TWIST2: variants seen among roughly 807,000 people sequenced by gnomAD.
TWIST2 encodes twist-related protein 2.
In TWIST2, 1 loss-of-function variant was observed where a neutral mutation model predicts 11.6. The ratio of observed to expected loss-of-function variants is 0.09; its 90% CI spans 0.03 to 0.41. The LOEUF (loss-of-function observed/expected upper bound fraction) is 0.41, where lower values mean the gene tolerates loss of function less well. Ranked by LOEUF, TWIST2 falls within the 10% of genes least tolerant of loss-of-function variation. The pLI, the probability that TWIST2 is intolerant of heterozygous loss-of-function variation, is 0.98. For missense variants in TWIST2, 168 were observed against 226.4 expected, an observed-to-expected ratio of 0.74 and a Z score of 1.66; for synonymous variants, 87 against 96.6, an observed-to-expected ratio of 0.90 and a Z score of 0.58.
chr2:238,884,813 C>T (rs919605769), intron 1 of TWIST2, among the ~76,000 whole-genome samples: 1 of 152,334 alleles, frequency 6.6e-6, no homozygotes, highest in Admixed American at 6.5e-5. Flanking sequence ...CCGGAAAGTG[C>T]CTGCTCCCTG....
intron 1 of TWIST2, among the ~76,000 whole-genome samples, chr2:238,850,878 G>C (rs977010033): frequency 6.6e-6 from 1 of 152,130 alleles, no homozygotes; most frequent in South Asian, 2.1e-4. Context: ...GAAGAGAAAA[G>C]AAATATGGAA....
chr2:238,859,504 A>C (rs776569953), intron 1 of TWIST2, among the ~76,000 whole-genome samples: 6 of 152,000 alleles, frequency 3.9e-5, no homozygotes, highest in Non-Finnish European at 8.8e-5. Flanking sequence ...AGGTGTATGC[A>C]CTAAATTCCA....
chr2:238,848,273 G>A lies in TWIST2; in HGVS notation c.58G>A (p.Glu20Lys). The A allele has an allele frequency of 6.5e-7, 1 of 1,528,634 alleles. No individual in the cohort carries two copies. The highest frequency in any genetic ancestry group is 2.5e-5 in the East Asian group (1 of 40,602). 94.7% of individuals were successfully genotyped at this position (1,528,634 alleles called of 1,614,324 possible). The change falls in exon 1 of 2, where the codon GAG becomes AAG. Residue 20 changes from glutamate (E) to lysine (K), a missense_variant. This residue lies in a region of TWIST2 where 83 missense variants were observed against 92.7 expected (regional missense o/e 0.90). Coordinates refer to ENST00000612363, the MANE Select transcript of TWIST2 (RefSeq NM_001271893.4). ...SPVDSLGTSE[E>K]ELERQPKRFG... ...CGTGGACAGCCTGGGCACCAGCGAGGAGGAGCTCGAGAGGCAGCCCAAGCG... is the reference window on the plus strand; with the variant it reads ...CGTGGACAGCCTGGGCACCAGCGAGAAGGAGCTCGAGAGGCAGCCCAAGCG...
intron 1 of TWIST2, among the ~76,000 whole-genome samples, chr2:238,890,660 T>A (rs1693115327): frequency 6.6e-6 from 1 of 152,248 alleles, no homozygotes; most frequent in African/African-American, 2.4e-5. Flanking sequence ...TGGAGCATGC[T>A]ACAGTTTATA....
intron 1 of TWIST2, among the ~76,000 whole-genome samples, chr2:238,873,163 G>A (rs947698078): frequency 1.3e-5 from 2 of 152,200 alleles, no homozygotes; most frequent in African/African-American, 4.8e-5. Flanking sequence ...ACCAAGGGGT[G>A]GCACTTTGGT....
intron 1 of TWIST2, chr2:238,887,035 G>C (rs1303724179): frequency 6.6e-6 from 1 of 152,034 alleles, no homozygotes; most frequent in East Asian, 1.9e-4. Flanking sequence ...CCTTCACCAA[G>C]GTCTTGGAAC....
At chr2:238,905,541 C>T (rs1050617872) in intron 1 of TWIST2, among the ~76,000 whole-genome samples, 2,561 of 152,262 alleles carry the variant, frequency 0.017, 79 homozygotes, top group African/African-American at 0.058. Flanking sequence ...TGGGTCCCCT[C>T]GGGCACGTGA....
Position 238,905,004 on chromosome 2 carries a change from AG to A in TWIST2, c.*36-4837del, listed in dbSNP as rs1693323839. Reference sequence around the variant, plus strand: ...AAGAAAAAAAGAAGAAAGAAAGAAAAGAAAGGAAGGAAGGAAGAAAGAAGTA... The same window carrying A: ...AAGAAAAAAAGAAGAAAGAAAGAAAAAAAGGAAGGAAGGAAGAAAGAAGTA... On this transcript the variant is annotated intron_variant, in intron 1 of 1. Coordinates refer to ENST00000612363, the MANE Select transcript of TWIST2 (RefSeq NM_001271893.4). Among the ~76,000 whole-genome samples the A allele has an allele frequency of 4.0e-5, 6 of 151,710 alleles. No homozygotes were observed. In the South Asian group the frequency reaches 1.3e-3, roughly 32 times the overall value.
intron 1 of TWIST2, among the ~76,000 whole-genome samples, chr2:238,876,550 A>G (rs1410559516): frequency 6.6e-6 from 1 of 152,250 alleles, no homozygotes; most frequent in Non-Finnish European, 1.5e-5. Flanking sequence ...AAAGCCTCTC[A>G]GAGCATCTGT....
chr2:238,886,526 C>T (rs760449582), intron 1 of TWIST2, among the ~76,000 whole-genome samples: 1 of 152,010 alleles, frequency 6.6e-6, no homozygotes, highest in Admixed American at 6.6e-5. Context: ...CCTCCCCCAA[C>T]GCAAGCTCAC....
chr2:238,849,167 G>T (rs1321359290), intron 1 of TWIST2, among the ~76,000 whole-genome samples: 1 of 152,182 alleles, frequency 6.6e-6, no homozygotes, highest in Non-Finnish European at 1.5e-5. Flanking sequence ...AGCTGCCCGA[G>T]CCGGGTGTTG....
chr2:238,906,885 T>C (rs975954222), intron 1 of TWIST2, among the ~76,000 whole-genome samples: 11 of 152,198 alleles, frequency 7.2e-5, no homozygotes, highest in African/African-American at 2.4e-4. Context: ...TTGCGCTGGT[T>C]TGCCCCTTGG....
chr2:238,886,458 G>C (rs887874237), intron 1 of TWIST2, among the ~76,000 whole-genome samples: 3 of 152,108 alleles, frequency 2.0e-5, no homozygotes, highest in Non-Finnish European at 4.4e-5. Context: ...TTTCCTCTCA[G>C]AAGATGCCGT....
Position 238,866,164 on chromosome 2 carries a change from G to A in TWIST2, c.*35+17431G>A, listed in dbSNP as rs1692528589. Among the ~76,000 whole-genome samples the A allele has an allele frequency of 6.6e-6, 1 of 152,216 alleles. No homozygotes were observed. The highest frequency in any genetic ancestry group is 2.1e-4 in the South Asian group (1 of 4,832). ...TGCTGCCAGCAGGATGGCCAGGCCT[G>A]CCAGGCACCGCCCAGGTTCCCCATG... On this transcript the variant is annotated intron_variant, in intron 1 of 1. Transcript: ENST00000612363. The surrounding 1 kb of genome is among the most constrained non-coding windows in gnomAD (Gnocchi z 4.9).
Position 238,907,638 on chromosome 2 carries a change from G to T in TWIST2, c.*36-2204G>T, listed in dbSNP as rs999876974. On this transcript the variant is annotated intron_variant, in intron 1 of 1. Transcript: ENST00000612363. ...TTGTGTGTCTTGATCATAGTGGGGGGTGCAAGAAACAACACGCATGATGAA... is the reference window on the plus strand; with the variant it reads ...TTGTGTGTCTTGATCATAGTGGGGGTTGCAAGAAACAACACGCATGATGAA... 2.0e-3 allele frequency among the ~76,000 whole-genome samples: 305 copies of T among 151,978 alleles called. 1 individual carries two copies. The highest frequency in any genetic ancestry group is 3.7e-3 in the Non-Finnish European group (248 of 67,932).
intron 1 of TWIST2, among the ~76,000 whole-genome samples, chr2:238,881,857 G>A (rs1344405262): frequency 6.6e-6 from 1 of 152,202 alleles, no homozygotes; most frequent in Non-Finnish European, 1.5e-5. Flanking sequence ...AGGGCTTGAG[G>A]GAGGAGAAGG....
intron 1 of TWIST2, among the ~76,000 whole-genome samples, chr2:238,908,616 TATATA>T (rs1256656091): frequency 1.3e-5 from 2 of 152,206 alleles, no homozygotes; most frequent in Non-Finnish European, 2.9e-5. Context: ...TATAATGTGG[TATATA>T]ATATACCATA....
At position 238,848,157 on chromosome 2, in the gene TWIST2, C is replaced by G. The variant is rs1692165362; in HGVS notation, c.-59C>G. The G allele has an allele frequency of 1.2e-5, 14 of 1,176,706 alleles. No homozygotes were observed. The highest frequency in any genetic ancestry group is 1.4e-5 in the Non-Finnish European group (13 of 952,820). 72.9% of individuals were successfully genotyped at this position (1,176,706 alleles called of 1,614,324 possible). A position where few individuals can be genotyped will look rare whatever the true frequency, so the allele number is the denominator to read the frequency against. Reference sequence around the variant, plus strand: ...GTGTGCTCGGCGACCGCGGGCTTGGCCAGCGGCGCGCGCTCGGCGCCCCGG... The same window carrying G: ...GTGTGCTCGGCGACCGCGGGCTTGGGCAGCGGCGCGCGCTCGGCGCCCCGG... On this transcript the variant is annotated 5_prime_UTR_variant, in exon 1 of 2. Coordinates refer to ENST00000612363, the MANE Select transcript of TWIST2 (RefSeq NM_001271893.4).
At chr2:238,862,787 T>C (rs1428107163) in intron 1 of TWIST2, among the ~76,000 whole-genome samples, 1 of 152,236 alleles carries the variant, frequency 6.6e-6, no homozygotes, top group African/African-American at 2.4e-5. Flanking sequence ...AATTAAAATG[T>C]CCTGGGAAAT....
Sources: allele counts gnomAD v4.1 joint callset (sites outside exome capture counted in the v4.1 genomes callset), GRCh38; gene constraint gnomAD v4.1.1; regional missense constraint gnomAD v4.1.1; non-coding constraint Gnocchi (gnomAD v3.1); transcripts MANE v1.5; gene names NCBI Gene and HGNC (gene_info 2026-07-23, HGNC 2026-07-21).